The following KCNQ1OT1 variants were observed in gnomAD, a reference collection of about 807,000 sequenced individuals.
KCNQ1OT1 encodes KCNQ1 opposite strand/antisense transcript 1.
exon 1 of KCNQ1OT1, chr11:2,693,812 A>G: frequency 7.5e-6 from 3 of 398,848 alleles, no homozygotes; most frequent in Non-Finnish European, 1.3e-5. Context: ...AGGCTGATAA[A>G]GGCACCGGAA....
At chr11:2,650,602 G>A in exon 1 of KCNQ1OT1, 1 of 398,616 alleles carries the variant, frequency 2.5e-6, no homozygotes. Context: ...AGGCTCCTTA[G>A]AGGTACTTAC....
At chr11:2,686,298 A>G in exon 1 of KCNQ1OT1, 1 of 398,744 alleles carries the variant, frequency 2.5e-6, no homozygotes, top group Non-Finnish European at 4.4e-6. Context: ...GCCAGACCAC[A>G]GACCACACTA....
exon 1 of KCNQ1OT1, chr11:2,635,583 A>T (rs1263236605): frequency 2.0e-5 from 3 of 152,194 alleles, no homozygotes; most frequent in Non-Finnish European, 4.4e-5. Flanking sequence ...TGGTGACTGT[A>T]GCCTTGTAGT....
rs1360708043 is a variant in KCNQ1OT1, at chr11:2,666,075, C to T, written n.33920G>A. The stretch of plus-strand genomic sequence containing the variant: ...CAAGAGGACAGGCCCATAAGCCCTG[C>T]AGCCTATGGCTCTGCCCAGCCCAGT... On this transcript the variant is annotated non_coding_transcript_exon_variant, in exon 1 of 1. Transcript: ENST00000597346. 1.0e-5 allele frequency: 4 copies of T among 398,566 alleles called. No homozygotes were observed. The South Asian group carries it at 3.8e-4, about 38-fold the overall frequency. 24.7% of individuals were successfully genotyped at this position (398,566 alleles called of 1,614,324 possible). A position where few individuals can be genotyped will look rare whatever the true frequency, so the allele number is the denominator to read the frequency against.
Position 2,661,962 on chromosome 11 carries a change from A to G in KCNQ1OT1, n.38033T>C. On this transcript the variant is annotated non_coding_transcript_exon_variant, in exon 1 of 1. Coordinates refer to ENST00000597346, the Ensembl canonical transcript of KCNQ1OT1. The surrounding 1 kb of genome is among the most constrained non-coding windows in gnomAD (Gnocchi z 5.9). Reference sequence around the variant, plus strand: ...GCTGTCCCCACACTTTCTCCTCAGTAAGGAAGAGCCCAACACTGCTGGAAG... The same window carrying G: ...GCTGTCCCCACACTTTCTCCTCAGTGAGGAAGAGCCCAACACTGCTGGAAG... The G allele has an allele frequency of 6.2e-7, 1 of 1,614,150 alleles. No individual in the cohort carries two copies. Among genetic ancestry groups the G allele is most frequent in the Non-Finnish European group, 8.5e-7 (1 of 1,180,036 alleles).
exon 1 of KCNQ1OT1, chr11:2,646,836 A>AT (rs1485519387): frequency 4.0e-5 from 16 of 398,558 alleles, no homozygotes; most frequent in Non-Finnish European, 5.3e-5. Flanking sequence ...TTGTTTGTTG[A>AT]TTTTTTTATC....
exon 1 of KCNQ1OT1, chr11:2,638,883 T>C (rs1469404566): frequency 1.3e-5 from 2 of 152,252 alleles, no homozygotes; most frequent in Non-Finnish European, 2.9e-5. Flanking sequence ...TTTCACATAG[T>C]CCCATATTTC....
At chr11:2,625,360 A>G (rs1018040059) in exon 1 of KCNQ1OT1, 120 of 398,470 alleles carry the variant, frequency 3.0e-4, no homozygotes, top group Admixed American at 4.4e-4. Flanking sequence ...GGCTTAGGCT[A>G]TCCTCCCACC....
In KCNQ1OT1 at chr11:2,661,921, G is replaced by A. The variant is rs765230551; in HGVS notation, n.38074C>T. On this transcript the variant is annotated non_coding_transcript_exon_variant, in exon 1 of 1. Coordinates refer to ENST00000597346, the Ensembl canonical transcript of KCNQ1OT1. This position sits in a 1 kb window ranked among gnomAD's most constrained non-coding sequence, Gnocchi z 5.9. ...TGGCTCCACAGCACTGGCAGGTTGG[G>A]TGGGAGGCCTAACGTGCTGTCCCCA... 3 of 1,613,840 alleles carry A rather than the reference G, an allele frequency of 1.9e-6. No homozygotes were observed. Among genetic ancestry groups the A allele is most frequent in the Non-Finnish European group, 2.5e-6 (3 of 1,179,952 alleles).
exon 1 of KCNQ1OT1, chr11:2,646,205 G>A: frequency 2.5e-6 from 1 of 398,642 alleles, no homozygotes; most frequent in Non-Finnish European, 4.4e-6. Flanking sequence ...ATTTTGTGGA[G>A]GAGGTGAGTG....
At chr11:2,609,876 C>T (rs1564832500) in exon 1 of KCNQ1OT1, 8 of 397,780 alleles carry the variant, frequency 2.0e-5, no homozygotes, top group Non-Finnish European at 3.5e-5. Flanking sequence ...TATCTTTTTC[C>T]ATCCTTTTAC....
rs74474606 is a variant in KCNQ1OT1 at position 2,612,894 on chromosome 11, A to G, written n.87101T>C. On this transcript the variant is annotated non_coding_transcript_exon_variant, in exon 1 of 1. Transcript: ENST00000597346. The surrounding 1 kb of genome is among the most constrained non-coding windows in gnomAD (Gnocchi z 5.5). ...TCCCTAACCAGGGATGATTTCTGTT[A>G]CTCATTTATTTGTTTGCTCGCTTGT... The G allele has an allele frequency of 0.018, 7,279 of 397,310 alleles. 287 individuals are homozygous for G. The highest frequency in any genetic ancestry group is 0.11 in the East Asian group (3,087 of 28,008). The allele number at this position is 397,310 out of a possible 1,614,324, so 24.6% of individuals were successfully genotyped here. A position where few individuals can be genotyped will look rare whatever the true frequency, so the allele number is the denominator to read the frequency against.
chr11:2,653,247 C>T lies in KCNQ1OT1; in HGVS notation n.46748G>A, dbSNP rs560570686. The T allele has an allele frequency of 1.8e-5, 7 of 398,766 alleles. No individual in the cohort carries two copies. Among genetic ancestry groups the T allele is most frequent in the Admixed American group, 8.8e-5 (2 of 22,746 alleles). The allele number at this position is 398,766 out of a possible 1,614,324, so 24.7% of individuals were successfully genotyped here. On this transcript the variant is annotated non_coding_transcript_exon_variant, in exon 1 of 1. Coordinates refer to ENST00000597346, the Ensembl canonical transcript of KCNQ1OT1. The surrounding 1 kb of genome is among the most constrained non-coding windows in gnomAD (Gnocchi z 5.3). ...CTCAGGCCAGCTTCTTTCCCACAAGCCTTCTCCCTGCCCTCTGCCCTGAAA... is the reference window on the plus strand; with the variant it reads ...CTCAGGCCAGCTTCTTTCCCACAAGTCTTCTCCCTGCCCTCTGCCCTGAAA...
chr11:2,613,225 C>T lies in KCNQ1OT1; in HGVS notation n.86770G>A, dbSNP rs1849009667. The T allele has an allele frequency of 2.5e-6, 1 of 398,534 alleles. No homozygotes were observed. Among genetic ancestry groups the T allele is most frequent in the South Asian group, 1.3e-4 (1 of 7,838 alleles). 24.7% of individuals were successfully genotyped at this position (398,534 alleles called of 1,614,324 possible). A position where few individuals can be genotyped will look rare whatever the true frequency, so the allele number is the denominator to read the frequency against. On this transcript the variant is annotated non_coding_transcript_exon_variant, in exon 1 of 1. Transcript: ENST00000597346. This position sits in a 1 kb window ranked among gnomAD's most constrained non-coding sequence, Gnocchi z 4.8. ...ATTTTACTGTCTGCTTGCAAAAGGT[C>T]TCACAGTCAGCCAAGGATAAGTAGA...
exon 1 of KCNQ1OT1, chr11:2,665,360 C>T (rs1341732106): frequency 1.3e-5 from 5 of 398,034 alleles, no homozygotes; most frequent in Non-Finnish European, 1.8e-5. Context: ...TTGGGGAGCA[C>T]CCCCATGACA....
rs914117780 is a variant in KCNQ1OT1 at position 2,675,636 on chromosome 11, G to C, written n.24359C>G. 1.0e-5 allele frequency: 4 copies of C among 398,518 alleles called. No individual in the cohort carries two copies. In the South Asian group the frequency reaches 5.1e-4, roughly 51 times the overall value. 24.7% of individuals were successfully genotyped at this position (398,518 alleles called of 1,614,324 possible). On this transcript the variant is annotated non_coding_transcript_exon_variant, in exon 1 of 1. Coordinates refer to ENST00000597346, the Ensembl canonical transcript of KCNQ1OT1. The stretch of plus-strand genomic sequence containing the variant: ...GGTGGAGAGCACCCCTTATTAGAGG[G>C]TGGTTGGGCTCTCTAGGAGCCCGCC...
chr11:2,634,320 TCCCCCC>T (rs746915727), exon 1 of KCNQ1OT1: 4 of 165,106 alleles, frequency 2.4e-5, no homozygotes, highest in Admixed American at 1.0e-4. Context: ...CCCTCCCCCC[TCCCCCC>T]TCCCCCCCCA....
chr11:2,656,864 A>G (rs1392677465), exon 1 of KCNQ1OT1: 1 of 398,622 alleles, frequency 2.5e-6, no homozygotes, highest in Non-Finnish European at 4.4e-6. Context: ...TAGGTCTTCA[A>G]TCCCCTAGAA....
chr11:2,658,049 T>A lies in KCNQ1OT1; in HGVS notation n.41946A>T, dbSNP rs1849883007. The A allele has an allele frequency of 2.5e-6, 1 of 398,520 alleles. No homozygotes were observed. The highest frequency in any genetic ancestry group is 4.4e-6 in the Non-Finnish European group (1 of 226,032). 24.7% of individuals were successfully genotyped at this position (398,520 alleles called of 1,614,324 possible). A position where few individuals can be genotyped will look rare whatever the true frequency, so the allele number is the denominator to read the frequency against. On this transcript the variant is annotated non_coding_transcript_exon_variant, in exon 1 of 1. Transcript: ENST00000597346. The surrounding 1 kb of genome is among the most constrained non-coding windows in gnomAD (Gnocchi z 4.9). ...TAGTCTTTAGAAGCGAGTCACTAAGTATAGCCCACACTCAAGGTGGGGAAG... is the reference window on the plus strand; with the variant it reads ...TAGTCTTTAGAAGCGAGTCACTAAGAATAGCCCACACTCAAGGTGGGGAAG...
Sources: allele counts gnomAD v4.1 joint callset, GRCh38; gene constraint gnomAD v4.1.1; non-coding constraint Gnocchi (gnomAD v3.1); transcripts MANE v1.5; gene names NCBI Gene and HGNC (gene_info 2026-07-23, HGNC 2026-07-21).